The following SGIP1 variants were observed in gnomAD, a reference collection of about 807,000 sequenced individuals.
SGIP1 encodes the protein SH3-containing GRB2-like protein 3-interacting protein 1.
In SGIP1, 38 loss-of-function variants were observed where a neutral mutation model predicts 107.5. That is an observed-to-expected ratio of 0.35 (90% CI 0.27 to 0.46). SGIP1 has a LOEUF of 0.46. Among genes scored for constraint, SGIP1 ranks in the 20% least tolerant of loss-of-function variants. The probability of loss-of-function intolerance (pLI) is 1.00; values close to 1 mark genes in which losing one functional copy is unlikely to be tolerated. For missense variants in SGIP1, 929 were observed against 1,019.5 expected (o/e 0.91, Z 1.21); for synonymous variants, 365 against 366.1 (o/e 1.00, Z 0.03).
intron 18 of SGIP1, among the ~76,000 whole-genome samples, chr1:66,713,189 T>C (rs2093027918): frequency 6.6e-6 from 1 of 152,106 alleles, no homozygotes; most frequent in Admixed American, 6.6e-5. Context: ...CATTTTCTCA[T>C]CTGTAAAACA....
intron 1 of SGIP1, among the ~76,000 whole-genome samples, chr1:66,610,037 C>G (rs987555681): frequency 2.6e-5 from 4 of 152,076 alleles, no homozygotes; most frequent in African/African-American, 9.7e-5. Context: ...TTAATCAAAA[C>G]GCTGAGCCAA....
chr1:66,668,959 T>G (rs933583646), intron 9 of SGIP1, among the ~76,000 whole-genome samples: 3 of 152,236 alleles, frequency 2.0e-5, no homozygotes, highest in Non-Finnish European at 2.9e-5. Flanking sequence ...ATCACCTCAG[T>G]CTTTTTCTAG....
In SGIP1 at chr1:66,634,543, G is replaced by A. The variant is rs143654848; in HGVS notation, c.100-1401G>A. ...GTCATTCTGGGGACGCATCCCCCCA[G>A]GGCAGGGCTTCATGCCTGAGTTCCC... On this transcript the variant is annotated intron_variant, in intron 3 of 24. Coordinates refer to ENST00000371037, the MANE Select transcript of SGIP1 (RefSeq NM_032291.4). Among the ~76,000 whole-genome samples, 79 of 152,270 alleles carry A rather than the reference G, an allele frequency of 5.2e-4. No homozygotes were observed. The Middle Eastern group carries it at 0.01, about 20-fold the overall frequency.
rs1027239501 is a variant in SGIP1 at position 66,749,662 on chromosome 1, T to C, written c.*6567T>C. On this transcript the variant is annotated 3_prime_UTR_variant, in exon 25 of 25. Transcript: ENST00000371037. ...AATCAGCCTGATAGATCATAAGCCA[T>C]TTATAATTTTTAAACGTTCCATTGA... is the stretch of plus-strand genomic sequence containing the variant. Among the ~76,000 whole-genome samples the C allele has an allele frequency of 2.6e-5, 4 of 152,056 alleles. No individual in the cohort carries two copies. Among genetic ancestry groups the C allele is most frequent in the Non-Finnish European group, 1.5e-5 (1 of 67,922 alleles).
At chr1:66,630,523 T>C (rs531085184) in intron 2 of SGIP1, among the ~76,000 whole-genome samples, 186 of 151,974 alleles carry the variant, frequency 1.2e-3, no homozygotes, top group Non-Finnish European at 1.6e-3. Context: ...ACTCAGTATA[T>C]TGGCCAGGCA....
chr1:66,598,352 G>T (rs539872739), intron 1 of SGIP1, among the ~76,000 whole-genome samples: 1 of 152,164 alleles, frequency 6.6e-6, no homozygotes. Flanking sequence ...TTTCCCAACT[G>T]TGTGCCTAAT....
intron 1 of SGIP1, among the ~76,000 whole-genome samples, chr1:66,562,261 C>T (rs943630249): frequency 3.9e-5 from 6 of 151,914 alleles, no homozygotes; most frequent in Non-Finnish European, 7.4e-5. Context: ...TGCACAACAG[C>T]TAGTTTTAAT....
At chr1:66,577,756 C>CTGTGTGTGTGTGTGTGTG (rs6143251) in intron 1 of SGIP1, among the ~76,000 whole-genome samples, 1 of 144,984 alleles carries the variant, frequency 6.9e-6, no homozygotes. Context: ...TAATGCAGTC[C>CTGTGTGTGTGTGTGTGTG]TGTGTGTGTG....
intron 1 of SGIP1, among the ~76,000 whole-genome samples, chr1:66,591,118 A>G (rs772684381): frequency 6.6e-6 from 1 of 152,220 alleles, no homozygotes; most frequent in Non-Finnish European, 1.5e-5. Context: ...TTGAGCACTG[A>G]CCATCTTACT....
At chr1:66,572,015 C>T (rs1018683102) in intron 1 of SGIP1, among the ~76,000 whole-genome samples, 1 of 152,044 alleles carries the variant, frequency 6.6e-6, no homozygotes, top group African/African-American at 2.4e-5. Flanking sequence ...TCACTACATT[C>T]TGTTGTAATT....
At chr1:66,678,868 A>G (rs2085982036) in intron 13 of SGIP1, among the ~76,000 whole-genome samples, 1 of 152,186 alleles carries the variant, frequency 6.6e-6, no homozygotes. Context: ...ATTCACAGCT[A>G]AACTTTGGGA....
Position 66,695,466 on chromosome 1 carries a change from A to G in SGIP1, c.1603A>G (p.Arg535Gly), listed in dbSNP as rs1235469548. ...NEQPSLVWFDRGKFYLTFEGS... is the reference protein window; with the variant it reads ...NEQPSLVWFDGGKFYLTFEGS... Reference sequence around the variant, plus strand: ...ACAGCCTTCCCTCGTTTGGTTTGACAGAGGAAAGTTTTATTTGACTTTTGA... The same window carrying G: ...ACAGCCTTCCCTCGTTTGGTTTGACGGAGGAAAGTTTTATTTGACTTTTGA... The change falls in exon 18 of 25, where the codon AGA becomes GGA. Residue 535 changes from arginine (R) to glycine (G), a missense_variant. Arg to Gly is a moderately radical substitution (Grantham distance 125). Transcript: ENST00000371037. The G allele has an allele frequency of 1.2e-6, 2 of 1,614,058 alleles. No individual in the cohort carries two copies. The highest frequency in any genetic ancestry group is 1.7e-5 in the Admixed American group (1 of 59,982).
intron 2 of SGIP1, among the ~76,000 whole-genome samples, chr1:66,630,139 A>G (rs2073935843): frequency 1.3e-5 from 2 of 152,174 alleles, no homozygotes; most frequent in Non-Finnish European, 2.9e-5. Flanking sequence ...AAGACAAAGG[A>G]TCAGAATAGG....
At chr1:66,624,428 G>T (rs577191306) in intron 1 of SGIP1, among the ~76,000 whole-genome samples, 1 of 152,312 alleles carries the variant, frequency 6.6e-6, no homozygotes, top group Admixed American at 6.5e-5. Flanking sequence ...CATGTGGAGA[G>T]TAACGGAAAA....
At position 66,545,683 on chromosome 1, in the gene SGIP1, G is replaced by A. The variant is rs576810235; in HGVS notation, c.10+11315G>A. Among the ~76,000 whole-genome samples the A allele has an allele frequency of 5.8e-5, 8 of 138,548 alleles. No homozygotes were observed. In the East Asian group the frequency reaches 1.8e-3, roughly 31 times the overall value. 90.9% of individuals were successfully genotyped at this position (138,548 alleles called of 152,430 possible). A position where few individuals can be genotyped will look rare whatever the true frequency, so the allele number is the denominator to read the frequency against. ...GTGTGTGTGTGTATACATACAGAGA[G>A]AAAGAGAGAGAGGAATTTTTAAGTA... On this transcript the variant is annotated intron_variant, in intron 1 of 24. Coordinates refer to ENST00000371037, the MANE Select transcript of SGIP1 (RefSeq NM_032291.4).
intron 1 of SGIP1, among the ~76,000 whole-genome samples, chr1:66,612,782 T>A (rs1305377491): frequency 6.6e-6 from 1 of 152,224 alleles, no homozygotes; most frequent in African/African-American, 2.4e-5. Context: ...CTGTGAGGAT[T>A]TGAGTTCAGG....
At chr1:66,672,852 G>A (rs1462905673) in intron 11 of SGIP1, among the ~76,000 whole-genome samples, 2 of 151,716 alleles carry the variant, frequency 1.3e-5, no homozygotes, top group African/African-American at 2.4e-5. Context: ...CTTGACTTTC[G>A]CTAATTATAA....
At position 66,683,700 on chromosome 1, in the gene SGIP1, C is replaced by CTTTTTTTTTTTTTTTTTTTT. The variant is rs869266510; in HGVS notation, c.1315+1340_1315+1359dup. 2.1e-3 allele frequency among the ~76,000 whole-genome samples: 130 copies of CTTTTTTTTTTTTTTTTTTTT among 61,386 alleles called. 24 individuals carry two copies. Among genetic ancestry groups the CTTTTTTTTTTTTTTTTTTTT allele is most frequent in the East Asian group, 0.011 (10 of 908 alleles). The allele number at this position is 61,386 out of a possible 152,430, so 40.3% of individuals were successfully genotyped here. On this transcript the variant is annotated intron_variant, in intron 15 of 24. Transcript: ENST00000371037. ...ACCACACTGTTTGTTTGTTTCTTTT[C>CTTTTTTTTTTTTTTTTTTTT]TTTTTTTTTTTTTTTTTTTTTTTTT... is the stretch of plus-strand genomic sequence containing the variant.
chr1:66,716,226 T>C (rs2093232337), intron 18 of SGIP1, among the ~76,000 whole-genome samples: 1 of 152,142 alleles, frequency 6.6e-6, no homozygotes. Flanking sequence ...GATAATCCAC[T>C]AGAGAGTTCC....
Sources: allele counts gnomAD v4.1 joint callset (sites outside exome capture counted in the v4.1 genomes callset), GRCh38; gene constraint gnomAD v4.1.1; transcripts MANE v1.5; gene names NCBI Gene and HGNC (gene_info 2026-07-23, HGNC 2026-07-21).